SNX29: variants seen among roughly 807,000 people sequenced by gnomAD.
SNX29 encodes sorting nexin-29.
A neutral mutation model predicts 102.1 loss-of-function variants in SNX29; 78 were observed. The observed-to-expected ratio is 0.76, with a 90% confidence interval of 0.64 to 0.92. SNX29 has a LOEUF of 0.92. SNX29 is among the 40% of genes least tolerant of loss of function. The pLI is 0.00. For synonymous variants in SNX29, 580 were observed against 414.5 expected (o/e 1.40, Z -4.85); for missense variants, 1,280 against 1,061.7 (o/e 1.21, Z -2.86).
intron 20 of SNX29, among the ~76,000 whole-genome samples, chr16:12,543,610 T>TG (rs2077445358): frequency 6.6e-6 from 1 of 151,798 alleles, no homozygotes; most frequent in African/African-American, 2.4e-5. Flanking sequence ...CCCGATGGAG[T>TG]GGGCAGTGCC....
At chr16:12,147,942 C>T (rs1190379111) in intron 13 of SNX29, among the ~76,000 whole-genome samples, 1 of 152,156 alleles carries the variant, frequency 6.6e-6, no homozygotes, top group African/African-American at 2.4e-5. Flanking sequence ...GGGAGATATT[C>T]TTGGCAGCAG....
chr16:12,261,726 G>A (rs2078773016), intron 14 of SNX29, among the ~76,000 whole-genome samples: 1 of 133,180 alleles, frequency 7.5e-6, no homozygotes, highest in South Asian at 2.7e-4. Flanking sequence ...GTCCCCGGCT[G>A]GAGTGAGTGT....
intron 20 of SNX29, among the ~76,000 whole-genome samples, chr16:12,533,321 G>C (rs1018688186): frequency 2.0e-5 from 3 of 152,208 alleles, no homozygotes; most frequent in Non-Finnish European, 4.4e-5. Flanking sequence ...TCGTGGGCTG[G>C]TACCTGTGGC....
At chr16:12,190,290 C>T (rs1443378742) in intron 13 of SNX29, among the ~76,000 whole-genome samples, 2 of 152,090 alleles carry the variant, frequency 1.3e-5, no homozygotes, top group African/African-American at 4.8e-5. Flanking sequence ...CACACCGAGA[C>T]TCCATTTCCT....
At chr16:12,500,158 A>AG in intron 19 of SNX29, among the ~76,000 whole-genome samples, 1 of 151,500 alleles carries the variant, frequency 6.6e-6, no homozygotes, top group South Asian at 2.1e-4. Context: ...CACCTAGCTA[A>AG]TTTTTTTTCT....
At chr16:12,553,625 T>A (rs1263173869) in intron 20 of SNX29, among the ~76,000 whole-genome samples, 4 of 131,882 alleles carry the variant, frequency 3.0e-5, no homozygotes, top group African/African-American at 1.1e-4. Context: ...AATTTTGTGC[T>A]TGTTGCCCAG....
At chr16:12,513,272 G>A (rs1488641472) in intron 19 of SNX29, among the ~76,000 whole-genome samples, 1 of 135,930 alleles carries the variant, frequency 7.4e-6, no homozygotes. Context: ...CCCCTTCCTA[G>A]TGCTCCCTCC....
chr16:12,488,298 T>C (rs2088354158), intron 19 of SNX29, among the ~76,000 whole-genome samples: 1 of 152,170 alleles, frequency 6.6e-6, no homozygotes, highest in African/African-American at 2.4e-5. Flanking sequence ...TAGAACTTGC[T>C]GGTCCCACCC....
chr16:12,114,141 C>T (rs767252156), intron 11 of SNX29, among the ~76,000 whole-genome samples: 108 of 152,326 alleles, frequency 7.1e-4, no homozygotes, highest in Admixed American at 2.9e-3. Flanking sequence ...GTAGGTTCCA[C>T]ATAGCATATG....
chr16:12,270,257 G>A (rs1361643178), intron 14 of SNX29, among the ~76,000 whole-genome samples: 2 of 152,196 alleles, frequency 1.3e-5, no homozygotes, highest in African/African-American at 4.8e-5. Flanking sequence ...TGTATTTATT[G>A]TTTAGGTTTG....
rs115748672 is a variant in SNX29, at chr16:12,562,092, C to T, written c.2319-6414C>T. 2.4e-3 allele frequency among the ~76,000 whole-genome samples: 370 copies of T among 152,224 alleles called. 4 individuals are homozygous for T. The highest frequency in any genetic ancestry group is 8.3e-3 in the African/African-American group (345 of 41,514). ...GTGTTTTCTGCCCAGTAGTTTGAACCGCATTTCTAAGGCCGTTCACTCTCC... is the reference window on the plus strand; with the variant it reads ...GTGTTTTCTGCCCAGTAGTTTGAACTGCATTTCTAAGGCCGTTCACTCTCC... On this transcript the variant is annotated intron_variant, in intron 20 of 20. Transcript: ENST00000566228.
At chr16:12,419,864 A>G (rs1454730239) in intron 18 of SNX29, among the ~76,000 whole-genome samples, 1 of 152,118 alleles carries the variant, frequency 6.6e-6, no homozygotes, top group African/African-American at 2.4e-5. Context: ...GGTGGGAGAA[A>G]GATGTTTTCC....
intron 19 of SNX29, among the ~76,000 whole-genome samples, chr16:12,499,671 A>T (rs563821331): frequency 3.3e-5 from 5 of 152,216 alleles, no homozygotes; most frequent in African/African-American, 1.2e-4. Context: ...ATCTGCATTC[A>T]TTTACTTCTT....
At chr16:12,108,144 G>A (rs375765252) in intron 11 of SNX29, among the ~76,000 whole-genome samples, 1 of 152,184 alleles carries the variant, frequency 6.6e-6, no homozygotes, top group African/African-American at 2.4e-5. Flanking sequence ...GGCTCTTTTT[G>A]GACAATCTTT....
chr16:12,410,788 G>A (rs57977596), intron 18 of SNX29, among the ~76,000 whole-genome samples: 8,772 of 152,310 alleles, frequency 0.058, 353 homozygotes, highest in East Asian at 0.19. Context: ...ATGTAATGCA[G>A]GGAAAGCGTA....
intron 14 of SNX29, among the ~76,000 whole-genome samples, chr16:12,247,751 G>C (rs1012891358): frequency 6.6e-6 from 1 of 152,146 alleles, no homozygotes; most frequent in African/African-American, 2.4e-5. Context: ...TTTTTTAAAT[G>C]TTAAGGTTGG....
chr16:12,421,888 C>G (rs2084886048), intron 18 of SNX29, among the ~76,000 whole-genome samples: 1 of 151,714 alleles, frequency 6.6e-6, no homozygotes, highest in Admixed American at 6.6e-5. Context: ...TCACCATCAC[C>G]AGCCGTCCAT....
At chr16:12,256,772 G>A (rs1244219336) in intron 14 of SNX29, among the ~76,000 whole-genome samples, 5 of 152,140 alleles carry the variant, frequency 3.3e-5, no homozygotes, top group Non-Finnish European at 7.4e-5. Flanking sequence ...CCATTTTACT[G>A]GGAATCACGG....
chr16:12,261,508 T>G (rs147128244), intron 14 of SNX29, among the ~76,000 whole-genome samples: 3 of 144,432 alleles, frequency 2.1e-5, no homozygotes, highest in South Asian at 4.5e-4. Flanking sequence ...AGTGAGTGTT[T>G]GCTGAGCTCG....
Sources: gnomAD v4.1 joint callset for allele counts (sites outside exome capture counted in the v4.1 genomes callset) on GRCh38, gnomAD v4.1.1 for gene constraint, MANE v1.5 for transcripts, NCBI Gene and HGNC (gene_info 2026-07-23, HGNC 2026-07-21) for gene names.